Variants in NALCN observed in about 807,000 individuals in gnomAD.
NALCN encodes sodium leak channel NALCN.
A neutral mutation model predicts 225.3 loss-of-function variants in NALCN; 111 were observed. The observed-to-expected ratio is 0.49, with a 90% CI of 0.42 to 0.58. The LOEUF (loss-of-function observed/expected upper bound fraction) is 0.58, where lower values mean the gene tolerates loss of function less well. Ranked by LOEUF, NALCN falls within the 20% of genes least tolerant of loss-of-function variation. The probability of loss-of-function intolerance (pLI) is 0.00; values close to 1 mark genes in which losing one functional copy is unlikely to be tolerated. For synonymous variants in NALCN, 764 were observed against 769.0 expected (o/e 0.99, Z 0.11); for missense variants, 1,378 against 2,202.4 (o/e 0.63, Z 7.49).
In NALCN at chr13:101,279,968, C is replaced by A. The variant is rs117146990; in HGVS notation, c.1134+3965G>T. ...AGTGGAAGACTGAGATGAAAGTTTT[C>A]CTGTTACCCAGTTTTAGATGGCATT... On this transcript the variant is annotated intron_variant, in intron 10 of 43. Transcript: ENST00000251127. 4.5e-4 allele frequency among the ~76,000 whole-genome samples: 69 copies of A among 152,002 alleles called. 2 individuals carry two copies. The East Asian group carries it at 0.012, about 26-fold the overall frequency.
intron 6 of NALCN, among the ~76,000 whole-genome samples, chr13:101,365,863 A>T (rs1446615807): frequency 6.6e-6 from 1 of 152,084 alleles, no homozygotes; most frequent in East Asian, 1.9e-4. Flanking sequence ...TGCTCTCTCT[A>T]TATTAAACTT....
chr13:101,289,924 GGT>G (rs1247721262), intron 9 of NALCN, among the ~76,000 whole-genome samples: 1 of 152,164 alleles, frequency 6.6e-6, no homozygotes, highest in Non-Finnish European at 1.5e-5. Flanking sequence ...GGCTAGCCAG[GGT>G]GGGCGGGGCC....
intron 10 of NALCN, among the ~76,000 whole-genome samples, chr13:101,270,986 C>T (rs1223764369): frequency 1.3e-5 from 2 of 152,200 alleles, no homozygotes; most frequent in East Asian, 1.9e-4. Context: ...TAAGTTAGCA[C>T]ATGTCTCCTA....
intron 7 of NALCN, among the ~76,000 whole-genome samples, chr13:101,341,286 C>T (rs1360894491): frequency 6.6e-6 from 1 of 152,148 alleles, no homozygotes; most frequent in South Asian, 2.1e-4. Context: ...CCTGCCTCTT[C>T]AAAAATATTC....
chr13:101,345,737 A>AATATATATATATATATATATATATATAT lies in NALCN; in HGVS notation c.645-345_645-318dup, dbSNP rs10560892. ...ATCTATCTAAGAGTACAGCAAAGAG[A>AATATATATATATATATATATATATATAT]ATATATATATATATATATATATATA... On this transcript the variant is annotated intron_variant, in intron 6 of 43. Coordinates refer to ENST00000251127, the MANE Select transcript of NALCN (RefSeq NM_052867.4). Among the ~76,000 whole-genome samples the AATATATATATATATATATATATATATAT allele has an allele frequency of 6.6e-4, 57 of 86,642 alleles. 2 individuals are homozygous for AATATATATATATATATATATATATATAT. Among genetic ancestry groups the AATATATATATATATATATATATATATAT allele is most frequent in the South Asian group, 1.4e-3 (3 of 2,072 alleles). 56.8% of individuals were successfully genotyped at this position (86,642 alleles called of 152,430 possible).
At chr13:101,251,654 T>C (rs908709724) in intron 11 of NALCN, among the ~76,000 whole-genome samples, 7 of 152,044 alleles carry the variant, frequency 4.6e-5, no homozygotes, top group Non-Finnish European at 8.8e-5. Context: ...AAAATAACCA[T>C]AGAAAAAGAA....
intron 15 of NALCN, among the ~76,000 whole-genome samples, chr13:101,156,491 C>G (rs758976388): frequency 1.3e-5 from 2 of 151,948 alleles, no homozygotes; most frequent in Admixed American, 1.3e-4. Flanking sequence ...TATTTACCTA[C>G]GTATGTATCT....
chr13:101,250,020 T>A (rs764026121), intron 11 of NALCN, among the ~76,000 whole-genome samples: 2 of 152,094 alleles, frequency 1.3e-5, no homozygotes, highest in African/African-American at 4.8e-5. Context: ...AAACAACCAA[T>A]TGTAGTAAAG....
chr13:101,331,801 G>A (rs1031548172), intron 7 of NALCN, among the ~76,000 whole-genome samples: 15 of 152,150 alleles, frequency 9.9e-5, no homozygotes, highest in African/African-American at 1.7e-4. Context: ...GCCATTTTCT[G>A]TATGGGCAAC....
chr13:101,214,918 C>T (rs932725894), intron 13 of NALCN, among the ~76,000 whole-genome samples: 2 of 152,080 alleles, frequency 1.3e-5, no homozygotes, highest in African/African-American at 4.8e-5. Context: ...TATGGAACCA[C>T]GTTATGACAC....
chr13:101,100,946 T>C lies in NALCN; in HGVS notation c.3058-58A>G, dbSNP rs1430666606. Reference sequence around the variant, plus strand: ...GTTAAAGACTAAATATTAGGTTTGGTTTAAACAGTGACATAAATAGGACTT... The same window carrying C: ...GTTAAAGACTAAATATTAGGTTTGGCTTAAACAGTGACATAAATAGGACTT... On this transcript the variant is annotated intron_variant, in intron 26 of 43. Transcript: ENST00000251127. 5.0e-6 allele frequency: 7 copies of C among 1,399,448 alleles called. No individual in the cohort carries two copies. The South Asian group carries it at 6.8e-5, about 14-fold the overall frequency. 86.7% of individuals were successfully genotyped at this position (1,399,448 alleles called of 1,614,324 possible).
At chr13:101,170,259 C>T (rs1252856770) in intron 15 of NALCN, among the ~76,000 whole-genome samples, 1 of 152,134 alleles carries the variant, frequency 6.6e-6, no homozygotes, top group African/African-American at 2.4e-5. Context: ...ATTTTGAAGG[C>T]CTAAGAACCA....
At chr13:101,364,312 A>G (rs2046325593) in intron 6 of NALCN, among the ~76,000 whole-genome samples, 1 of 152,160 alleles carries the variant, frequency 6.6e-6, no homozygotes, top group African/African-American at 2.4e-5. Flanking sequence ...CAAATACGGA[A>G]TCAACCTAAC....
At chr13:101,225,881 AC>A (rs1460426253) in intron 13 of NALCN, among the ~76,000 whole-genome samples, 1 of 152,122 alleles carries the variant, frequency 6.6e-6, no homozygotes, top group Non-Finnish European at 1.5e-5. Context: ...GGCTTAATTC[AC>A]CTTTTTCAAA....
At chr13:101,181,751 A>G (rs1403005029) in intron 14 of NALCN, among the ~76,000 whole-genome samples, 3 of 152,084 alleles carry the variant, frequency 2.0e-5, no homozygotes, top group Non-Finnish European at 2.9e-5. Flanking sequence ...TCCAAAAACT[A>G]AAAACAAACA....
chr13:101,299,728 A>G (rs898776563), intron 7 of NALCN, among the ~76,000 whole-genome samples: 1 of 152,146 alleles, frequency 6.6e-6, no homozygotes, highest in Admixed American at 6.5e-5. Context: ...GGCAAAATCT[A>G]TATTGCAATT....
Position 101,095,614 on chromosome 13 carries a change from G to T in NALCN, c.3229C>A (p.Pro1077Thr). ...VSKNLNLKLR[P>T]GEKKPGFWVP... is the part of the protein sequence containing the mutation. ...CAAAATCCAGGTTTTTTCTCTCCAG[G>T]CCTCAATTTTAAATTTAAGTTCTTT... is the stretch of plus-strand genomic sequence containing the variant. The change falls in exon 28 of 44, where the codon CCT (proline) becomes ACT (threonine). Residue 1077 changes from proline (P) to threonine (T), a missense_variant. By Grantham distance (38) the Pro-to-Thr change is conservative. This residue lies in a region of NALCN where 292 missense variants were observed against 409.5 expected (regional missense o/e 0.71). Transcript: ENST00000251127. 1 of 1,613,134 alleles carries T rather than the reference G, an allele frequency of 6.2e-7. No homozygotes were observed. Among genetic ancestry groups the T allele is most frequent in the Non-Finnish European group, 8.5e-7 (1 of 1,179,612 alleles).
At chr13:101,247,114 T>A (rs1380138835) in intron 11 of NALCN, among the ~76,000 whole-genome samples, 3 of 152,196 alleles carry the variant, frequency 2.0e-5, no homozygotes, top group African/African-American at 7.2e-5. Context: ...GTGAGGAGAC[T>A]AAGGCACCTT....
intron 7 of NALCN, among the ~76,000 whole-genome samples, chr13:101,319,639 C>A (rs949721805): frequency 6.6e-6 from 1 of 151,636 alleles, no homozygotes; most frequent in Admixed American, 6.6e-5. Flanking sequence ...TGTGTTTTAC[C>A]TTTATGATGA....
Sources: gnomAD v4.1 joint callset for allele counts (sites outside exome capture counted in the v4.1 genomes callset) on GRCh38, gnomAD v4.1.1 for gene constraint, gnomAD v4.1.1 regional missense constraint, MANE v1.5 for transcripts, NCBI Gene and HGNC (gene_info 2026-07-23, HGNC 2026-07-21) for gene names.